The following GDA variants were observed in gnomAD, a reference collection of about 807,000 sequenced individuals.
GDA encodes cytoplasmic PSD-95 interactor.
Under a neutral mutation model 59.6 loss-of-function variants are expected in GDA, and 18 were observed. The observed-to-expected ratio is 0.30, with a 90% CI of 0.21 to 0.45. The LOEUF (loss-of-function observed/expected upper bound fraction) is 0.45. Ranked by LOEUF, GDA falls within the 20% of genes least tolerant of loss-of-function variation. The pLI is 1.00. For missense variants in GDA, 427 were observed against 552.3 expected (o/e 0.77, Z 2.27); for synonymous variants, 201 against 201.1 (o/e 1.00, Z 0.00).
rs1176856845 is a variant in GDA, at chr9:72,149,543, T to G, written c.-17T>G. ...CCCTCCTCGACCAGCAGACCCGCGC[T>G]GCGCTCCGCCGCTGACATGTGTGCC... On this transcript the variant is annotated 5_prime_UTR_variant, in exon 1 of 14. Coordinates refer to ENST00000358399, the MANE Select transcript of GDA (RefSeq NM_004293.5). The G allele has an allele frequency of 8.7e-6, 14 of 1,607,912 alleles. No homozygotes were observed. In the Admixed American group the frequency reaches 2.3e-4, roughly 27 times the overall value.
chr9:72,215,540 A>G (rs1234004206), intron 5 of GDA, among the ~76,000 whole-genome samples: 2 of 152,178 alleles, frequency 1.3e-5, no homozygotes, highest in African/African-American at 2.4e-5. Context: ...CTGAAAGAAC[A>G]TCTCTGCAAG....
At chr9:72,123,482 CTTTTT>C (rs11357949) in intron 1 of GDA, among the ~76,000 whole-genome samples, 3 of 76,652 alleles carry the variant, frequency 3.9e-5, no homozygotes, top group Non-Finnish European at 7.5e-5. Context: ...CATGCCCGGC[CTTTTT>C]TTTTTTTTTT....
chr9:72,199,300 C>T (rs1485515935), intron 2 of GDA, among the ~76,000 whole-genome samples: 1 of 152,146 alleles, frequency 6.6e-6, no homozygotes, highest in Non-Finnish European at 1.5e-5. Flanking sequence ...TGGACTGTAA[C>T]CTTGATTCTG....
intron 1 of GDA, among the ~76,000 whole-genome samples, chr9:72,118,612 C>T (rs1825552598): frequency 6.6e-6 from 1 of 151,992 alleles, no homozygotes; most frequent in African/African-American, 2.4e-5. Flanking sequence ...AGCATTTTTC[C>T]CCAAAATATG....
Position 72,249,920 on chromosome 9 carries a change from C to T in GDA, c.*1578C>T, listed in dbSNP as rs1279645535. On this transcript the variant is annotated 3_prime_UTR_variant, in exon 14 of 14. Coordinates refer to ENST00000358399, the MANE Select transcript of GDA (RefSeq NM_004293.5). ...TTAGCAGTAATTGGCCCAGTTTTTT[C>T]CCTAATAGAAATACTTTTAGATTTG... 1 of 954,924 alleles carries T rather than the reference C, an allele frequency of 1.0e-6. No homozygotes were observed. The highest frequency in any genetic ancestry group is 1.8e-5 in the African/African-American group (1 of 56,586). The allele number at this position is 954,924 out of a possible 1,614,324, so 59.2% of individuals were successfully genotyped here.
intron 9 of GDA, among the ~76,000 whole-genome samples, 183 bp from the exon 10 acceptor site, chr9:72,230,931 A>G (rs1047933847): frequency 3.3e-5 from 5 of 151,998 alleles, no homozygotes; most frequent in Non-Finnish European, 7.4e-5. Flanking sequence ...GGATTAGGCT[A>G]TTTTATGATC....
At chr9:72,183,153 A>T (rs12340785) in intron 1 of GDA, among the ~76,000 whole-genome samples, 2,255 of 152,278 alleles carry the variant, frequency 0.015, 64 homozygotes, top group African/African-American at 0.051. Context: ...TGCTGATTGC[A>T]TCTGGGTTTC....
At chr9:72,177,880 A>C (rs537306099) in intron 1 of GDA, among the ~76,000 whole-genome samples, 14 of 152,362 alleles carry the variant, frequency 9.2e-5, no homozygotes, top group Admixed American at 7.2e-4. Flanking sequence ...TGTAGACTTT[A>C]GAGTCTCTGA....
chr9:72,155,450 G>A (rs1424068912), intron 1 of GDA, among the ~76,000 whole-genome samples: 5 of 152,162 alleles, frequency 3.3e-5, no homozygotes, highest in African/African-American at 1.2e-4. Context: ...AGGTAAGGTG[G>A]ACAGCATTGG....
intron 1 of GDA, among the ~76,000 whole-genome samples, chr9:72,194,646 C>G (rs561767744): frequency 6.6e-6 from 1 of 152,122 alleles, no homozygotes; most frequent in East Asian, 1.9e-4. Context: ...TGTTCCCCCC[C>G]TTCCCGGCCC....
intron 1 of GDA, among the ~76,000 whole-genome samples, chr9:72,175,116 A>G (rs1830402277): frequency 6.6e-6 from 1 of 151,952 alleles, no homozygotes; most frequent in Non-Finnish European, 1.5e-5. Context: ...CATATTATAA[A>G]CCATTTTCTT....
At chr9:72,215,887 T>A (rs1384204073) in intron 5 of GDA, among the ~76,000 whole-genome samples, 3 of 152,182 alleles carry the variant, frequency 2.0e-5, no homozygotes, top group Non-Finnish European at 4.4e-5. Flanking sequence ...CAGGTAAATG[T>A]TCATAGTGAC....
chr9:72,147,758 G>A (rs868112540), upstream of GDA, among the ~76,000 whole-genome samples: 2 of 152,058 alleles, frequency 1.3e-5, no homozygotes, highest in Non-Finnish European at 2.9e-5. Flanking sequence ...TCACCTTTCT[G>A]TCTGAGGTTT....
rs1431180804 is a variant in GDA, at chr9:72,149,587, G to A, written c.28G>A (p.Ala10Thr). Residue 10 changes from alanine to threonine, a missense_variant, in exon 1 of 14, where the codon GCG becomes ACG. Physicochemically the swap from Ala to Thr is moderately conservative, Grantham distance 58. Transcript: ENST00000358399. The stretch of plus-strand genomic sequence containing the variant: ...GTGTGCCGCTCAGATGCCGCCCCTG[G>A]CGCACATCTTCCGAGGGACGTTCGT... MCAAQMPPL[A>T]HIFRGTFVHS... 1 of 1,611,528 alleles carries A rather than the reference G, an allele frequency of 6.2e-7. No homozygotes were observed. The highest frequency in any genetic ancestry group is 1.7e-5 in the Admixed American group (1 of 59,896).
In GDA at chr9:72,149,553, C is replaced by T; in HGVS notation, c.-7C>T. ...CCAGCAGACCCGCGCTGCGCTCCGC[C>T]GCTGACATGTGTGCCGCTCAGATGC... is the stretch of plus-strand genomic sequence containing the variant. On this transcript the variant is annotated 5_prime_UTR_variant, in exon 1 of 14. Coordinates refer to ENST00000358399, the MANE Select transcript of GDA (RefSeq NM_004293.5). 6.2e-7 allele frequency: 1 copy of T among 1,609,460 alleles called. No homozygotes were observed. Among genetic ancestry groups the T allele is most frequent in the Non-Finnish European group, 8.5e-7 (1 of 1,178,866 alleles).
At chr9:72,247,697 T>C (rs1240917050) in intron 13 of GDA, among the ~76,000 whole-genome samples, 2 of 152,206 alleles carry the variant, frequency 1.3e-5, no homozygotes, top group East Asian at 3.9e-4. Flanking sequence ...GAGATCTTCA[T>C]GTTCAACCCT....
At chr9:72,196,350 G>A (rs921998201) in intron 2 of GDA, among the ~76,000 whole-genome samples, 12 of 151,638 alleles carry the variant, frequency 7.9e-5, no homozygotes, top group African/African-American at 1.5e-4. Flanking sequence ...GCATGGTGGC[G>A]CATATGATGC....
chr9:72,157,645 C>G (rs1828081840), intron 1 of GDA, among the ~76,000 whole-genome samples: 1 of 152,182 alleles, frequency 6.6e-6, no homozygotes, highest in Non-Finnish European at 1.5e-5. Context: ...ACTGTTTTCT[C>G]TCATTCTAGT....
At position 72,245,843 on chromosome 9, in the gene GDA, A is replaced by G. The variant is rs1840085629; in HGVS notation, c.1266+565A>G. ...AATGAACTTTGTTTCTCTTATTATAAAATGTTTTTCTATGGATAAAATAAA... is the reference window on the plus strand; with the variant it reads ...AATGAACTTTGTTTCTCTTATTATAGAATGTTTTTCTATGGATAAAATAAA... On this transcript the variant is annotated intron_variant, in intron 12 of 13. Transcript: ENST00000358399. 2.0e-5 allele frequency among the ~76,000 whole-genome samples: 3 copies of G among 152,198 alleles called. No individual in the cohort carries two copies. In the South Asian group the frequency reaches 6.2e-4, roughly 32 times the overall value.
Sources: gnomAD v4.1 joint callset for allele counts (sites outside exome capture counted in the v4.1 genomes callset) on GRCh38, gnomAD v4.1.1 for gene constraint, MANE v1.5 for transcripts, NCBI Gene and HGNC (gene_info 2026-07-23, HGNC 2026-07-21) for gene names.